The following SCAPER variants were observed in gnomAD, a reference collection of about 807,000 sequenced individuals.
SCAPER encodes the protein S-phase cyclin A associated protein in the ER, also known as S phase cyclin A-associated protein in the endoplasmic reticulum.
A neutral mutation model predicts 182.2 loss-of-function variants in SCAPER; 98 were observed. That is an observed-to-expected ratio of 0.54 (90% CI 0.46 to 0.64). The LOEUF (loss-of-function observed/expected upper bound fraction) is 0.64. SCAPER is among the 30% of genes least tolerant of loss of function. The pLI is 0.00. For synonymous variants in SCAPER, 605 were observed against 564.6 expected, an observed-to-expected ratio of 1.07 and a Z score of -1.01; for missense variants, 1,432 against 1,690.0, an observed-to-expected ratio of 0.85 and a Z score of 2.68.
chr15:76,648,195 A>AG (rs1567694421), intron 21 of SCAPER, among the ~76,000 whole-genome samples: 1 of 151,984 alleles, frequency 6.6e-6, no homozygotes, highest in East Asian at 1.9e-4. Flanking sequence ...AACATAAAAA[A>AG]AAAAACAAGA....
At chr15:76,370,310 T>TTTTTG (rs2042077515) in intron 29 of SCAPER, among the ~76,000 whole-genome samples, 28 of 137,360 alleles carry the variant, frequency 2.0e-4, no homozygotes, top group Admixed American at 9.0e-4. Context: ...TTTTTTTTTT[T>TTTTTG]TTTTTTGTTT....
intron 23 of SCAPER, among the ~76,000 whole-genome samples, chr15:76,528,387 A>G (rs1346032396): frequency 6.6e-6 from 1 of 152,180 alleles, no homozygotes; most frequent in Non-Finnish European, 1.5e-5. Flanking sequence ...ACTTTTACAG[A>G]TAACTTTCTA....
intron 25 of SCAPER, among the ~76,000 whole-genome samples, chr15:76,449,885 C>G (rs1211097313): frequency 6.6e-6 from 1 of 152,188 alleles, no homozygotes; most frequent in East Asian, 1.9e-4. Flanking sequence ...TTGTTTTTAA[C>G]ATCCATGTCT....
At chr15:76,544,058 T>C (rs1368382055) in intron 23 of SCAPER, among the ~76,000 whole-genome samples, 1 of 152,082 alleles carries the variant, frequency 6.6e-6, no homozygotes, top group Non-Finnish European at 1.5e-5. Context: ...GATACATAAA[T>C]GGCTGAAATG....
At chr15:76,442,093 C>T (rs1269769570) in intron 25 of SCAPER, among the ~76,000 whole-genome samples, 1 of 151,732 alleles carries the variant, frequency 6.6e-6, no homozygotes, top group East Asian at 1.9e-4. Flanking sequence ...AGTATTTAGT[C>T]ATCCTGGGCA....
chr15:76,489,275 ATT>A (rs1423270757), intron 24 of SCAPER, among the ~76,000 whole-genome samples: 2 of 146,270 alleles, frequency 1.4e-5, no homozygotes, highest in Non-Finnish European at 3.0e-5. Flanking sequence ...ACCTAATATT[ATT>A]TTTGCTCTTT....
chr15:76,468,805 T>G (rs1376854125), intron 25 of SCAPER, among the ~76,000 whole-genome samples: 3 of 152,090 alleles, frequency 2.0e-5, no homozygotes, highest in Non-Finnish European at 2.9e-5. Context: ...AGACGGGGCC[T>G]GTGGGAGGTA....
At chr15:76,544,750 T>C (rs1250670003) in intron 23 of SCAPER, among the ~76,000 whole-genome samples, 5 of 152,162 alleles carry the variant, frequency 3.3e-5, no homozygotes, top group African/African-American at 1.2e-4. Flanking sequence ...TGCTGATGGT[T>C]GCACAACTCT....
At chr15:76,794,817 T>C (rs1324053166) in intron 8 of SCAPER, among the ~76,000 whole-genome samples, 2 of 152,154 alleles carry the variant, frequency 1.3e-5, no homozygotes, top group African/African-American at 4.8e-5. Flanking sequence ...TAATCCCTCT[T>C]CTAATTATTT....
At chr15:76,449,951 C>G (rs1443099561) in intron 25 of SCAPER, among the ~76,000 whole-genome samples, 2 of 152,226 alleles carry the variant, frequency 1.3e-5, no homozygotes, top group South Asian at 2.1e-4. Context: ...AAGGGCCAGA[C>G]AGTAAATATT....
chr15:76,439,278 C>A (rs2047403215), intron 25 of SCAPER, among the ~76,000 whole-genome samples: 1 of 152,132 alleles, frequency 6.6e-6, no homozygotes, highest in African/African-American at 2.4e-5. Context: ...AGGGTTTCGT[C>A]ATGTTTGCCA....
intron 23 of SCAPER, among the ~76,000 whole-genome samples, chr15:76,557,886 T>A (rs2046306352): frequency 6.6e-6 from 1 of 152,120 alleles, no homozygotes. Flanking sequence ...GTCAACAATA[T>A]CAAGCAATGG....
At chr15:76,577,497 G>GAC (rs763910997) in intron 22 of SCAPER, among the ~76,000 whole-genome samples, 37 of 152,180 alleles carry the variant, frequency 2.4e-4, no homozygotes, top group Non-Finnish European at 4.3e-4. Context: ...TTGCAACTTG[G>GAC]AAACCAGCTC....
At chr15:76,896,825 A>G (rs2074458888) in intron 1 of SCAPER, among the ~76,000 whole-genome samples, 1 of 152,182 alleles carries the variant, frequency 6.6e-6, no homozygotes, top group Non-Finnish European at 1.5e-5. Flanking sequence ...ACGCACCTGT[A>G]GTCCCAGCTC....
At chr15:76,492,337 T>C (rs887486794) in intron 24 of SCAPER, among the ~76,000 whole-genome samples, 3 of 152,192 alleles carry the variant, frequency 2.0e-5, no homozygotes, top group Non-Finnish European at 2.9e-5. Context: ...GTAGAATTAC[T>C]AGTAAATACA....
intron 15 of SCAPER, among the ~76,000 whole-genome samples, chr15:76,741,945 GC>G: frequency 6.6e-6 from 1 of 152,076 alleles, no homozygotes; most frequent in Non-Finnish European, 1.5e-5. Context: ...AGACACTGAA[GC>G]AATGGTAGTG....
At chr15:76,884,565 G>A (rs1199495088) in intron 1 of SCAPER, among the ~76,000 whole-genome samples, 2 of 152,178 alleles carry the variant, frequency 1.3e-5, no homozygotes, top group Non-Finnish European at 2.9e-5. Context: ...TCTGTATGAA[G>A]AGTCAGTGAA....
At chr15:76,482,976 C>T (rs1289043072) in intron 24 of SCAPER, among the ~76,000 whole-genome samples, 1 of 152,014 alleles carries the variant, frequency 6.6e-6, no homozygotes, top group Non-Finnish European at 1.5e-5. Flanking sequence ...CTAGTTACTC[C>T]ATTGATACTG....
At chr15:76,389,879 C>T (rs2043562160) in intron 27 of SCAPER, among the ~76,000 whole-genome samples, 1 of 149,194 alleles carries the variant, frequency 6.7e-6, no homozygotes, top group Non-Finnish European at 1.5e-5. Flanking sequence ...AAAGTGAGAA[C>T]ATTAGGTAGG....
Sources: gnomAD v4.1 joint callset for allele counts (sites outside exome capture counted in the v4.1 genomes callset) on GRCh38, gnomAD v4.1.1 for gene constraint, MANE v1.5 for transcripts, NCBI Gene and HGNC (gene_info 2026-07-23, HGNC 2026-07-21) for gene names.